Variants in IP6K3 observed in about 807,000 individuals in gnomAD.
IP6K3 encodes the protein inositol hexakisphosphate kinase 3, also known as ATP:1D-myo-inositol-hexakisphosphate phosphotransferase.
IP6K3 carries 20 observed loss-of-function variants against 28.8 expected under a neutral mutation model. That is an observed-to-expected ratio of 0.70 (90% CI 0.49 to 1.01). The LOEUF is 1.01. Ranked by LOEUF, IP6K3 falls within the 50% of genes least tolerant of loss-of-function variation. The pLI, the probability that IP6K3 is intolerant of heterozygous loss-of-function variation, is 0.00. For missense variants in IP6K3, 480 were observed against 537.1 expected, an observed-to-expected ratio of 0.89 and a Z score of 1.05; for synonymous variants, 213 against 221.3, an observed-to-expected ratio of 0.96 and a Z score of 0.33.
chr6:33,745,069 A>G (rs995661038), intron 1 of IP6K3, among the ~76,000 whole-genome samples: 3 of 152,186 alleles, frequency 2.0e-5, no homozygotes, highest in African/African-American at 7.2e-5. Flanking sequence ...TATTAAGGTA[A>G]CACACTGCAA....
At chr6:33,725,759 C>T in intron 4 of IP6K3, 143 bp from the exon 5 acceptor site, 1 of 616,448 alleles carries the variant, frequency 1.6e-6, no homozygotes, top group Non-Finnish European at 2.7e-6. Context: ...TACAGACAAG[C>T]TCATCCTTGC....
rs1248502658 is a variant in IP6K3, at chr6:33,735,665, A to G, written c.-179-10T>C. On this transcript the variant is annotated splice_polypyrimidine_tract_variant and intron_variant, in intron 1 of 5. Transcript: ENST00000293756. ...TTCTCAGCGGGGTCCTCTGGAAAGC[A>G]GGGGAGGAAGGAGGAAGTTATATGA... 5 of 1,386,750 alleles carry G rather than the reference A, an allele frequency of 3.6e-6. No individual in the cohort carries two copies. The highest frequency in any genetic ancestry group is 2.9e-5 in the Admixed American group (1 of 35,022). The allele number at this position is 1,386,750 out of a possible 1,614,324, so 85.9% of individuals were successfully genotyped here.
the IP6K3 span, among the ~76,000 whole-genome samples, chr6:33,760,473 C>T: frequency 1.3e-5 from 2 of 151,160 alleles, no homozygotes; most frequent in Non-Finnish European, 2.9e-5. Flanking sequence ...GGGCGTGAGT[C>T]TGTTCACTCC....
chr6:33,750,386 C>T (rs1210737512), upstream of IP6K3, among the ~76,000 whole-genome samples: 1 of 152,228 alleles, frequency 6.6e-6, no homozygotes, highest in Non-Finnish European at 1.5e-5. The surrounding 1 kb of genome is among the most constrained non-coding windows in gnomAD (Gnocchi z 4.3). Flanking sequence ...TGCCCACCTC[C>T]TCAGCCCCAC....
At position 33,722,061 on chromosome 6, in the gene IP6K3, A is replaced by G. The variant is rs1238581244; in HGVS notation, c.*659T>C. The stretch of plus-strand genomic sequence containing the variant: ...AGATTTTGGGGGAAAAAAAGGAAAA[A>G]AAAGCCTGTAAAGGGACCCTCCTTT... On this transcript the variant is annotated 3_prime_UTR_variant, in exon 6 of 6. Coordinates refer to ENST00000293756, the MANE Select transcript of IP6K3 (RefSeq NM_054111.5). 6.6e-6 allele frequency: 1 copy of G among 152,172 alleles called. No homozygotes were observed. Among genetic ancestry groups the G allele is most frequent in the Admixed American group, 6.5e-5 (1 of 15,280 alleles). 9.4% of individuals were successfully genotyped at this position (152,172 alleles called of 1,614,324 possible). A position where few individuals can be genotyped will look rare whatever the true frequency, so the allele number is the denominator to read the frequency against.
rs1236656698 is a variant in IP6K3, at chr6:33,744,048, G to A, written c.-180+2710C>T. The stretch of plus-strand genomic sequence containing the variant: ...GAAACATGGGGGCAAGATGACTCAC[G>A]AAGTCAAGTGCCACTGGAAGGGCTG... On this transcript the variant is annotated intron_variant, in intron 1 of 5. Coordinates refer to ENST00000293756, the MANE Select transcript of IP6K3 (RefSeq NM_054111.5). The surrounding 1 kb of genome is among the most constrained non-coding windows in gnomAD (Gnocchi z 4.4). Among the ~76,000 whole-genome samples, 3 of 152,090 alleles carry A rather than the reference G, an allele frequency of 2.0e-5. No homozygotes were observed. The highest frequency in any genetic ancestry group is 1.9e-4 in the East Asian group (1 of 5,190).
chr6:33,730,554 G>A (rs1374802593), intron 2 of IP6K3, among the ~76,000 whole-genome samples: 1 of 152,184 alleles, frequency 6.6e-6, no homozygotes, highest in Non-Finnish European at 1.5e-5. Context: ...GCCCACTGTC[G>A]CTGTCCTGCT....
At chr6:33,731,458 C>G (rs988135414) in intron 2 of IP6K3, among the ~76,000 whole-genome samples, 3 of 152,216 alleles carry the variant, frequency 2.0e-5, no homozygotes, top group African/African-American at 7.2e-5. Flanking sequence ...TGGAGGAGAG[C>G]AGAGGTGCAA....
At chr6:33,755,391 A>G in the IP6K3 span, among the ~76,000 whole-genome samples, 4 of 152,228 alleles carry the variant, frequency 2.6e-5, no homozygotes, top group Non-Finnish European at 5.9e-5. Flanking sequence ...AGTGTCCCCA[A>G]GGCAGTGCCG....
At position 33,745,102 on chromosome 6, in the gene IP6K3, C is replaced by T. The variant is rs948118906; in HGVS notation, c.-180+1656G>A. ...CAACTGCAGCCCGCGGGCCAGCACG[C>T]GCTGCCACCCTGCGCCTCCCCAGCC... On this transcript the variant is annotated intron_variant, in intron 1 of 5. Transcript: ENST00000293756. Among the ~76,000 whole-genome samples the T allele has an allele frequency of 6.6e-5, 10 of 152,250 alleles. No individual in the cohort carries two copies. The East Asian group carries it at 1.2e-3, about 18-fold the overall frequency.
chr6:33,727,959 G>A, intron 3 of IP6K3, 128 bp downstream of exon 3: 2 of 1,454,876 alleles, frequency 1.4e-6, no homozygotes, highest in Non-Finnish European at 1.8e-6. Context: ...TCTAGACAGA[G>A]CATTCATCTG....
chr6:33,755,432 T>TG, the IP6K3 span, among the ~76,000 whole-genome samples: 2 of 152,090 alleles, frequency 1.3e-5, no homozygotes, highest in Non-Finnish European at 2.9e-5. Context: ...ATGGAGAGTG[T>TG]GGGGGCAGGG....
At chr6:33,745,779 G>C (rs1239275938) in intron 1 of IP6K3, among the ~76,000 whole-genome samples, 1 of 152,134 alleles carries the variant, frequency 6.6e-6, no homozygotes, top group East Asian at 1.9e-4. Context: ...ACCTGCTGAG[G>C]ACTTTGTGCA....
intron 1 of IP6K3, among the ~76,000 whole-genome samples, chr6:33,743,554 C>T (rs1766802721): frequency 6.6e-6 from 1 of 152,142 alleles, no homozygotes. Flanking sequence ...TGGGGCCATC[C>T]AGGTTGGAAG....
chr6:33,749,557 GCAGATGGCC>G (rs1316701047), upstream of IP6K3, among the ~76,000 whole-genome samples: 1 of 149,426 alleles, frequency 6.7e-6, no homozygotes, highest in Non-Finnish European at 1.5e-5. Flanking sequence ...AGTCAGTGGG[GCAGATGGCC>G]CCACTGACTA....
intron 1 of IP6K3, 50 bp from the exon 2 acceptor site, chr6:33,735,705 G>A: frequency 9.0e-7 from 1 of 1,111,318 alleles, no homozygotes; most frequent in South Asian, 1.7e-5. Flanking sequence ...GGTGGTGGCT[G>A]GGGCAGGGCA....
At position 33,723,068 on chromosome 6, in the gene IP6K3, C is replaced by A. The variant is rs1383283739; in HGVS notation, c.885G>T (p.Arg295=). 6.2e-7 allele frequency: 1 copy of A among 1,614,166 alleles called. No individual in the cohort carries two copies. Among genetic ancestry groups the A allele is most frequent in the Non-Finnish European group, 8.5e-7 (1 of 1,180,022 alleles). Reference sequence around the variant, plus strand: ...GCAGGATGGGCTCCAGGAGCTCCCTCCGGAGGTGGCTTCCATTATGTAGGA... The same window carrying A: ...GCAGGATGGGCTCCAGGAGCTCCCTACGGAGGTGGCTTCCATTATGTAGGA... ...YQFLHNGSHL[R]RELLEPILHQ... The change falls in exon 6 of 6, where the codon CGG becomes CGT. Residue 295 remains arginine (R), a synonymous_variant. Coordinates refer to ENST00000293756, the MANE Select transcript of IP6K3 (RefSeq NM_054111.5).
upstream of IP6K3, chr6:33,747,004 G>A (rs530614): frequency 0.19 from 29,163 of 152,568 alleles, 3,096 homozygotes; most frequent in African/African-American, 0.26. This position sits in a 1 kb window ranked among gnomAD's most constrained non-coding sequence, Gnocchi z 5.2. Context: ...TGTCAGCTGG[G>A]TGTTCTGCTG....
chr6:33,723,488 A>G (rs1486291468), intron 5 of IP6K3, among the ~76,000 whole-genome samples: 3 of 152,220 alleles, frequency 2.0e-5, no homozygotes, highest in Admixed American at 1.3e-4. Flanking sequence ...GTGAATTTCC[A>G]ATGTCAACCT....
Sources: allele counts gnomAD v4.1 joint callset (sites outside exome capture counted in the v4.1 genomes callset), GRCh38; gene constraint gnomAD v4.1.1; non-coding constraint Gnocchi (gnomAD v3.1); transcripts MANE v1.5; gene names NCBI Gene and HGNC (gene_info 2026-07-23, HGNC 2026-07-21).